Variants in CCSER1 observed in about 807,000 individuals in gnomAD.
CCSER1 encodes the protein coiled-coil serine rich protein 1, also known as serine-rich coiled-coil domain-containing protein 1.
In CCSER1, 41 loss-of-function variants were observed where a neutral mutation model predicts 82.0. The ratio of observed to expected loss-of-function variants is 0.50; its 90% confidence interval spans 0.39 to 0.65. CCSER1 has a LOEUF of 0.65. CCSER1 is among the 30% of genes least tolerant of loss of function. The pLI is 0.00. For missense variants in CCSER1, 1,119 were observed against 1,064.2 expected, an observed-to-expected ratio of 1.05 and a Z score of -0.72; for synonymous variants, 414 against 383.9, an observed-to-expected ratio of 1.08 and a Z score of -0.92.
chr4:91,108,177 A>C (rs1725808194), intron 10 of CCSER1: 2 of 152,362 alleles, frequency 1.3e-5, no homozygotes. Flanking sequence ...ATGTATATCT[A>C]ATCCATTGTA....
chr4:91,369,085 C>A lies in CCSER1; in HGVS notation c.2218-229487C>A, dbSNP rs573614279. ...TGTGTTCTGTAGGCAGAGCTTTTAT[C>A]CCTGTTCTTTTGATTTTTGGCTTTG... On this transcript the variant is annotated intron_variant, in intron 10 of 10. Coordinates refer to ENST00000509176, the MANE Select transcript of CCSER1 (RefSeq NM_001145065.2). Among the ~76,000 whole-genome samples, 3 of 152,158 alleles carry A rather than the reference C, an allele frequency of 2.0e-5. 1 individual carries two copies. The highest frequency in any genetic ancestry group is 4.1e-4 in the South Asian group (2 of 4,828).
chr4:90,634,302 AGACC>A (rs1178319010), intron 6 of CCSER1, among the ~76,000 whole-genome samples: 1 of 151,748 alleles, frequency 6.6e-6, no homozygotes, highest in Non-Finnish European at 1.5e-5. Context: ...CATTTGCAAA[AGACC>A]CGCCATTGAT....
intron 10 of CCSER1, among the ~76,000 whole-genome samples, chr4:91,518,332 G>T (rs1760263547): frequency 6.6e-6 from 1 of 152,158 alleles, no homozygotes; most frequent in Non-Finnish European, 1.5e-5. Context: ...GGGAGGAGGT[G>T]TCTGGTTATG....
At chr4:90,519,555 A>G (rs1578930200) in intron 5 of CCSER1, among the ~76,000 whole-genome samples, 2 of 151,994 alleles carry the variant, frequency 1.3e-5, no homozygotes, top group African/African-American at 4.8e-5. Flanking sequence ...TTGAATTGGT[A>G]TTAATACATT....
chr4:90,389,499 A>C (rs997615997), intron 3 of CCSER1, among the ~76,000 whole-genome samples: 1 of 152,212 alleles, frequency 6.6e-6, no homozygotes, highest in Non-Finnish European at 1.5e-5. Flanking sequence ...GAAACATGAC[A>C]TCTCATTTCC....
At chr4:91,041,948 C>G (rs1475977500) in intron 9 of CCSER1, among the ~76,000 whole-genome samples, 1 of 152,164 alleles carries the variant, frequency 6.6e-6, no homozygotes, top group Non-Finnish European at 1.5e-5. Context: ...CTTAGTTTAT[C>G]AGAAACTAAG....
At chr4:91,153,362 A>G (rs914559630) in intron 10 of CCSER1, among the ~76,000 whole-genome samples, 2 of 151,868 alleles carry the variant, frequency 1.3e-5, no homozygotes, top group Non-Finnish European at 2.9e-5. Flanking sequence ...CAGCTCCATC[A>G]GGTCATTTAA....
At chr4:90,911,937 C>G (rs1164132247) in intron 8 of CCSER1, among the ~76,000 whole-genome samples, 1 of 152,132 alleles carries the variant, frequency 6.6e-6, no homozygotes, top group Non-Finnish European at 1.5e-5. Context: ...GGGGGAGGGG[C>G]GCCCGCCATT....
chr4:90,334,889 A>C (rs1740088117), intron 3 of CCSER1, among the ~76,000 whole-genome samples: 1 of 152,154 alleles, frequency 6.6e-6, no homozygotes, highest in African/African-American at 2.4e-5. Flanking sequence ...TTTATGATAA[A>C]CCTATTTTCT....
intron 5 of CCSER1, among the ~76,000 whole-genome samples, chr4:90,493,333 ACT>A (rs1323918017): frequency 2.6e-5 from 4 of 152,052 alleles, no homozygotes; most frequent in Non-Finnish European, 5.9e-5. Context: ...AAGTTGGAAA[ACT>A]CTCTGCAGGA....
intron 4 of CCSER1, among the ~76,000 whole-genome samples, chr4:90,445,120 G>C (rs1024472455): frequency 3.9e-5 from 6 of 151,930 alleles, no homozygotes; most frequent in African/African-American, 1.4e-4. Flanking sequence ...TTGCCTTGAA[G>C]GAGCAAGCCT....
chr4:90,630,377 G>A (rs915125607), intron 6 of CCSER1, among the ~76,000 whole-genome samples: 1 of 152,088 alleles, frequency 6.6e-6, no homozygotes, highest in Non-Finnish European at 1.5e-5. Context: ...GGTGTCAAGA[G>A]GCTTTCTTAG....
intron 9 of CCSER1, among the ~76,000 whole-genome samples, chr4:90,933,170 TG>T (rs1730432427): frequency 8.4e-6 from 1 of 118,846 alleles, no homozygotes; most frequent in Non-Finnish European, 1.7e-5. Context: ...TGTGTGTGTG[TG>T]TGTGTGTGTG....
chr4:91,145,152 A>G (rs1729421051), intron 10 of CCSER1, among the ~76,000 whole-genome samples: 1 of 152,164 alleles, frequency 6.6e-6, no homozygotes, highest in Non-Finnish European at 1.5e-5. Context: ...AACTGGGTAC[A>G]TATGTGTATA....
intron 8 of CCSER1, among the ~76,000 whole-genome samples, chr4:90,872,350 T>C (rs1766637445): frequency 1.3e-5 from 2 of 152,044 alleles, no homozygotes; most frequent in South Asian, 4.1e-4. Flanking sequence ...CTTTTTATTA[T>C]TTGTGTATCG....
intron 4 of CCSER1, among the ~76,000 whole-genome samples, chr4:90,465,869 C>T (rs1052197321): frequency 3.3e-5 from 5 of 152,064 alleles, no homozygotes; most frequent in Admixed American, 2.6e-4. Flanking sequence ...TGGGGAGTGA[C>T]TGATGTTATT....
intron 9 of CCSER1, among the ~76,000 whole-genome samples, chr4:91,083,296 C>A (rs1218752119): frequency 6.6e-6 from 1 of 151,996 alleles, no homozygotes; most frequent in Non-Finnish European, 1.5e-5. Flanking sequence ...TCCTTCTGAG[C>A]AAACTATGGC....
intron 6 of CCSER1, among the ~76,000 whole-genome samples, chr4:90,656,920 T>G (rs1729803670): frequency 6.6e-6 from 1 of 152,028 alleles, no homozygotes. Context: ...ATTAAAATAC[T>G]TTATTTATCT....
chr4:90,517,324 G>A (rs948212605), intron 5 of CCSER1, among the ~76,000 whole-genome samples: 2 of 151,966 alleles, frequency 1.3e-5, no homozygotes, highest in African/African-American at 2.4e-5. Context: ...ATCGTAAGTC[G>A]GGGACCATCT....
Sources: gnomAD v4.1 joint callset for allele counts (sites outside exome capture counted in the v4.1 genomes callset) on GRCh38, gnomAD v4.1.1 for gene constraint, MANE v1.5 for transcripts, NCBI Gene and HGNC (gene_info 2026-07-23, HGNC 2026-07-21) for gene names.